The following LIPC variants were observed in gnomAD, a reference collection of about 807,000 sequenced individuals.
LIPC encodes the protein lipase C, hepatic type, also known as hepatic triacylglycerol lipase.
LIPC carries 44 observed loss-of-function variants against 50.7 expected under a neutral mutation model. The ratio of observed to expected loss-of-function variants is 0.87; its 90% CI spans 0.68 to 1.11. The LOEUF is 1.11. LIPC is among the 50% of genes most tolerant of loss of function. LIPC has a pLI of 0.00. For missense variants in LIPC, 697 were observed against 648.2 expected (o/e 1.08, Z -0.82); for synonymous variants, 271 against 256.4 (o/e 1.06, Z -0.54).
intron 1 of LIPC, among the ~76,000 whole-genome samples, chr15:58,485,089 T>C (rs1350245559): frequency 2.0e-5 from 3 of 152,172 alleles, no homozygotes; most frequent in Non-Finnish European, 4.4e-5. Flanking sequence ...GCAAGAATGA[T>C]AGGAACCTAA....
At chr15:58,480,157 G>A (rs886105184) in intron 1 of LIPC, among the ~76,000 whole-genome samples, 3 of 152,122 alleles carry the variant, frequency 2.0e-5, no homozygotes, top group Admixed American at 6.5e-5. Flanking sequence ...GAAATCTTAC[G>A]CATTCTTCAA....
chr15:58,559,065 T>C (rs951870702), intron 6 of LIPC, among the ~76,000 whole-genome samples: 1 of 152,182 alleles, frequency 6.6e-6, no homozygotes. Flanking sequence ...CAGTACCCTC[T>C]GCTGGGCTTG....
chr15:58,471,506 C>T (rs1313983435), intron 1 of LIPC, among the ~76,000 whole-genome samples: 2 of 152,138 alleles, frequency 1.3e-5, no homozygotes, highest in East Asian at 3.9e-4. Context: ...CTGCTTTATG[C>T]AGAAGAACTC....
chr15:58,441,519 G>T (rs1284976210), intron 1 of LIPC, among the ~76,000 whole-genome samples: 1 of 152,068 alleles, frequency 6.6e-6, no homozygotes, highest in South Asian at 2.1e-4. Context: ...TTTTAGAGAC[G>T]TAAACATTCA....
chr15:58,523,813 C>T lies in LIPC; in HGVS notation c.89-14520C>T, dbSNP rs537256261. Among the ~76,000 whole-genome samples, 239 of 152,044 alleles carry T rather than the reference C, an allele frequency of 1.6e-3. 3 individuals carry two copies. In the South Asian group the frequency reaches 0.044, roughly 28 times the overall value. On this transcript the variant is annotated intron_variant, in intron 1 of 8. Coordinates refer to ENST00000299022, the MANE Select transcript of LIPC (RefSeq NM_000236.3). ...GAGCAGGGCTGGTGGCATGTGCCTG[C>T]GATCCCAGCTACTTGAGAAGCTGAG...
intron 1 of LIPC, among the ~76,000 whole-genome samples, chr15:58,518,321 G>GA (rs1566936457): frequency 1.1e-4 from 16 of 152,208 alleles, no homozygotes. Context: ...TGATGCCTGA[G>GA]AATGCTGTCC....
intron 1 of LIPC, among the ~76,000 whole-genome samples, chr15:58,463,753 A>G (rs577274454): frequency 2.6e-5 from 4 of 152,020 alleles, no homozygotes; most frequent in African/African-American, 4.8e-5. Flanking sequence ...CCACTTTTCC[A>G]TCACTCCCTT....
rs190612203 is a variant in LIPC, at chr15:58,452,083, C to T, written c.88+19963C>T. On this transcript the variant is annotated intron_variant, in intron 1 of 8. Transcript: ENST00000299022. ...ATTGGCATCCTAGGATGCTCGGGGC[C>T]CTATTTTCAAGGCTGTGTATGTTGA... 2.5e-3 allele frequency among the ~76,000 whole-genome samples: 376 copies of T among 152,206 alleles called. 4 individuals carry two copies. Among genetic ancestry groups the T allele is most frequent in the African/African-American group, 8.6e-3 (357 of 41,518 alleles).
chr15:58,559,559 G>A (rs564856906), intron 6 of LIPC, among the ~76,000 whole-genome samples: 4 of 152,084 alleles, frequency 2.6e-5, no homozygotes, highest in East Asian at 3.9e-4. Flanking sequence ...TTAACATGCC[G>A]TATTAAACCT....
At chr15:58,448,327 A>T (rs1273596800) in intron 1 of LIPC, among the ~76,000 whole-genome samples, 1 of 152,234 alleles carries the variant, frequency 6.6e-6, no homozygotes, top group African/African-American at 2.4e-5. Context: ...GGCAAGTGTT[A>T]TGTCCCCATC....
At chr15:58,491,139 G>A (rs1271284785) in intron 1 of LIPC, among the ~76,000 whole-genome samples, 1 of 152,216 alleles carries the variant, frequency 6.6e-6, no homozygotes, top group Non-Finnish European at 1.5e-5. Context: ...GGCCGCAAGA[G>A]GACAGACATC....
intron 1 of LIPC, chr15:58,521,668 G>A (rs532587172): frequency 6.6e-6 from 1 of 152,578 alleles, no homozygotes; most frequent in Non-Finnish European, 1.5e-5. Flanking sequence ...ATAGTAGGAG[G>A]GGAAGAAAGA....
chr15:58,550,645 T>A (rs564749419), intron 6 of LIPC, among the ~76,000 whole-genome samples: 8 of 152,170 alleles, frequency 5.3e-5, no homozygotes, highest in African/African-American at 1.9e-4. Flanking sequence ...GATGAGTTCC[T>A]TGGAGACCAC....
intron 1 of LIPC, chr15:58,454,704 T>G (rs865809545): frequency 3.3e-5 from 5 of 152,272 alleles, no homozygotes; most frequent in Non-Finnish European, 5.9e-5. Context: ...AGACTTCTGA[T>G]GCTCACAAGA....
At chr15:58,495,240 G>A (rs1470508259) in intron 1 of LIPC, among the ~76,000 whole-genome samples, 7 of 152,202 alleles carry the variant, frequency 4.6e-5, no homozygotes, top group Non-Finnish European at 1.0e-4. Flanking sequence ...GAGCGATTTA[G>A]TTCTGGTTTT....
intron 1 of LIPC, among the ~76,000 whole-genome samples, chr15:58,489,073 CACA>C (rs758942708): frequency 3.9e-5 from 6 of 152,078 alleles, no homozygotes; most frequent in Admixed American, 6.5e-5. Context: ...CCTTCTACTT[CACA>C]ACAATACTGA....
chr15:58,560,909 C>G lies in LIPC; in HGVS notation c.1097C>G (p.Thr366Arg), dbSNP rs745849201. The change falls in exon 7 of 9, where the codon ACA becomes AGA. Residue 366 changes from threonine (T) to arginine (R), a missense_variant. Coordinates refer to ENST00000299022, the MANE Select transcript of LIPC (RefSeq NM_000236.3). The part of the protein sequence containing the change: ...FKIQFINQTE[T>R]PIQTTFTMSL... Reference sequence around the variant, plus strand: ...ATCCAGTTCATCAACCAAACTGAGACACCAATACAAACAACTTTTACCATG... The same window carrying G: ...ATCCAGTTCATCAACCAAACTGAGAGACCAATACAAACAACTTTTACCATG... 10 of 1,522,758 alleles carry G rather than the reference C, an allele frequency of 6.6e-6. No homozygotes were observed. Among genetic ancestry groups the G allele is most frequent in the Non-Finnish European group, 9.1e-6 (10 of 1,096,266 alleles). The allele number at this position is 1,522,758 out of a possible 1,614,324, so 94.3% of individuals were successfully genotyped here. A position where few individuals can be genotyped will look rare whatever the true frequency, so the allele number is the denominator to read the frequency against.
In LIPC at chr15:58,519,494, C is replaced by G. The variant is rs372034112; in HGVS notation, c.89-18839C>G. ...ATTAAGAGAGTTACTCTGAATTTCT[C>G]TGCTGCCCCCTCTGCCTCACCTCCC... is the stretch of plus-strand genomic sequence containing the variant. On this transcript the variant is annotated intron_variant, in intron 1 of 8. Transcript: ENST00000299022. Among the ~76,000 whole-genome samples, 12 of 152,292 alleles carry G rather than the reference C, an allele frequency of 7.9e-5. No individual in the cohort carries two copies. In the East Asian group the frequency reaches 1.3e-3, roughly 17 times the overall value.
rs1021362256 is a variant in LIPC, at chr15:58,523,585, G to A, written c.89-14748G>A. Reference sequence around the variant, plus strand: ...TCCAGAGAAATAGTTATCATGGAAAGTGCAAGCAGGAAACAAGCTGGGATT... The same window carrying A: ...TCCAGAGAAATAGTTATCATGGAAAATGCAAGCAGGAAACAAGCTGGGATT... On this transcript the variant is annotated intron_variant, in intron 1 of 8. Coordinates refer to ENST00000299022, the MANE Select transcript of LIPC (RefSeq NM_000236.3). 3.4e-5 allele frequency among the ~76,000 whole-genome samples: 5 copies of A among 147,662 alleles called. No individual in the cohort carries two copies. In the Admixed American group the frequency reaches 3.4e-4, roughly 10 times the overall value.
Sources: gnomAD v4.1 joint callset for allele counts (sites outside exome capture counted in the v4.1 genomes callset) on GRCh38, gnomAD v4.1.1 for gene constraint, MANE v1.5 for transcripts, NCBI Gene and HGNC (gene_info 2026-07-23, HGNC 2026-07-21) for gene names.